ROBO2: variants seen among roughly 807,000 people sequenced by gnomAD.
ROBO2 encodes the protein roundabout homolog 2.
A neutral mutation model predicts 160.8 loss-of-function variants in ROBO2; 53 were observed. The observed-to-expected ratio is 0.33, with a 90% CI of 0.26 to 0.41. The LOEUF (loss-of-function observed/expected upper bound fraction) is 0.41, where lower values mean the gene tolerates loss of function less well. Among genes scored for constraint, ROBO2 ranks in the 10% least tolerant of loss-of-function variants. The probability of loss-of-function intolerance (pLI) is 1.00; values close to 1 mark genes in which losing one functional copy is unlikely to be tolerated. For missense variants in ROBO2, 1,577 were observed against 1,722.4 expected (o/e 0.92, Z 1.49); for synonymous variants, 664 against 611.7 (o/e 1.09, Z -1.26).
chr3:77,307,191 T>C (rs923045588), intron 2 of ROBO2, among the ~76,000 whole-genome samples: 1 of 152,216 alleles, frequency 6.6e-6, no homozygotes, highest in Non-Finnish European at 1.5e-5. Flanking sequence ...TTAATTTATG[T>C]TGATGGCTGG....
chr3:76,115,022 A>G (rs867013457), intron 2 of ROBO2, among the ~76,000 whole-genome samples: 29 of 152,156 alleles, frequency 1.9e-4, no homozygotes, highest in Non-Finnish European at 3.5e-4. Context: ...ATTTCATTCC[A>G]ATGGATTTTA....
chr3:76,178,138 T>G (rs964748525), intron 2 of ROBO2, among the ~76,000 whole-genome samples: 19 of 152,160 alleles, frequency 1.2e-4, no homozygotes, highest in Non-Finnish European at 2.2e-4. Context: ...ATAATTTATT[T>G]TAGTTAATAT....
At chr3:76,865,155 T>A (rs903138870) in intron 2 of ROBO2, among the ~76,000 whole-genome samples, 3 of 152,056 alleles carry the variant, frequency 2.0e-5, no homozygotes, top group African/African-American at 7.2e-5. Context: ...TCCAAAAATA[T>A]ATGTGAGCAT....
At chr3:77,393,164 A>G (rs572394449) in intron 2 of ROBO2, among the ~76,000 whole-genome samples, 1 of 152,254 alleles carries the variant, frequency 6.6e-6, no homozygotes, top group Admixed American at 6.5e-5. Flanking sequence ...TTCTTTGTTT[A>G]TTGATATAAT....
At chr3:76,874,220 A>C (rs2072462552) in intron 2 of ROBO2, among the ~76,000 whole-genome samples, 1 of 152,196 alleles carries the variant, frequency 6.6e-6, no homozygotes, top group Non-Finnish European at 1.5e-5. Context: ...TAAAAAAAAA[A>C]AAAGTAGCTT....
chr3:76,390,253 A>T (rs1041035220), intron 2 of ROBO2, among the ~76,000 whole-genome samples: 2 of 152,252 alleles, frequency 1.3e-5, no homozygotes, highest in Non-Finnish European at 2.9e-5. Flanking sequence ...TCATCATAAA[A>T]TCTCACATTG....
chr3:76,296,835 G>A (rs542716830), intron 2 of ROBO2, among the ~76,000 whole-genome samples: 1 of 152,142 alleles, frequency 6.6e-6, no homozygotes, highest in African/African-American at 2.4e-5. Flanking sequence ...CTAGGTGAGC[G>A]GGTAGCTTGA....
At chr3:76,538,863 T>C (rs1170038728) in intron 2 of ROBO2, among the ~76,000 whole-genome samples, 3 of 152,180 alleles carry the variant, frequency 2.0e-5, no homozygotes, top group African/African-American at 4.8e-5. Flanking sequence ...ACCAAACATT[T>C]TACATTTTAA....
At chr3:76,753,636 A>G (rs1380163197) in intron 2 of ROBO2, among the ~76,000 whole-genome samples, 1 of 151,948 alleles carries the variant, frequency 6.6e-6, no homozygotes, top group Non-Finnish European at 1.5e-5. Context: ...TGCGATTTAT[A>G]GCAAATATGG....
chr3:76,884,656 A>G (rs575784389), intron 2 of ROBO2, among the ~76,000 whole-genome samples: 1 of 152,318 alleles, frequency 6.6e-6, no homozygotes, highest in South Asian at 2.1e-4. Flanking sequence ...TTTATTTAGT[A>G]AGTTACTAGA....
At chr3:76,038,767 C>CGTGT (rs66489028) in intron 2 of ROBO2, among the ~76,000 whole-genome samples, 6 of 148,228 alleles carry the variant, frequency 4.0e-5, no homozygotes, top group Admixed American at 6.7e-5. Context: ...TGGAAAACTG[C>CGTGT]GTGTGTGTGT....
At chr3:77,401,375 A>G (rs537579638) in intron 2 of ROBO2, among the ~76,000 whole-genome samples, 1 of 152,082 alleles carries the variant, frequency 6.6e-6, no homozygotes, top group South Asian at 2.1e-4. Context: ...TTACAGCTAT[A>G]TTTTAAACTT....
intron 5 of ROBO2, among the ~76,000 whole-genome samples, chr3:77,516,190 G>A (rs2089999001): frequency 6.6e-6 from 1 of 151,514 alleles, no homozygotes; most frequent in Non-Finnish European, 1.5e-5. Context: ...GAATAAAATT[G>A]AAAATAATAT....
At chr3:76,835,457 T>C (rs958956666) in intron 2 of ROBO2, among the ~76,000 whole-genome samples, 5 of 148,396 alleles carry the variant, frequency 3.4e-5, no homozygotes, top group Non-Finnish European at 7.4e-5. Context: ...ATTATATGTT[T>C]GCACATATGT....
chr3:76,834,539 AT>A (rs1559576453), intron 2 of ROBO2, among the ~76,000 whole-genome samples: 1 of 151,814 alleles, frequency 6.6e-6, no homozygotes, highest in Non-Finnish European at 1.5e-5. Flanking sequence ...TGCCTGGCTA[AT>A]TTTTATATTT....
chr3:76,935,475 T>A (rs967914746), intron 2 of ROBO2, among the ~76,000 whole-genome samples: 1 of 152,234 alleles, frequency 6.6e-6, no homozygotes, highest in African/African-American at 2.4e-5. Flanking sequence ...TCTTCTAATC[T>A]GGGACAGTTC....
chr3:77,621,033 C>T (rs1424751819), intron 22 of ROBO2, among the ~76,000 whole-genome samples: 1 of 152,142 alleles, frequency 6.6e-6, no homozygotes, highest in African/African-American at 2.4e-5. Context: ...TGAGTAGACT[C>T]AAAGCAAATC....
intron 2 of ROBO2, among the ~76,000 whole-genome samples, chr3:76,386,747 C>G (rs573917845): frequency 6.6e-6 from 1 of 152,168 alleles, no homozygotes; most frequent in Admixed American, 6.5e-5. Context: ...TCTGTTAATT[C>G]AGTGTTGAAG....
chr3:76,969,338 T>C (rs1278440652), intron 2 of ROBO2, among the ~76,000 whole-genome samples: 1 of 152,184 alleles, frequency 6.6e-6, no homozygotes, highest in African/African-American at 2.4e-5. Context: ...CTCATTATAC[T>C]AAATCAGAAA....
Sources: gnomAD v4.1 joint callset for allele counts (sites outside exome capture counted in the v4.1 genomes callset) on GRCh38, gnomAD v4.1.1 for gene constraint, MANE v1.5 for transcripts, NCBI Gene and HGNC (gene_info 2026-07-23, HGNC 2026-07-21) for gene names.